The following PPP1R37 variants were observed in gnomAD, a reference collection of about 807,000 sequenced individuals.
PPP1R37 encodes leucine rich repeat containing 68.
PPP1R37 carries 21 observed loss-of-function variants against 61.0 expected under a neutral mutation model. That is an observed-to-expected ratio of 0.34 (90% confidence interval 0.24 to 0.50). The LOEUF (loss-of-function observed/expected upper bound fraction) is 0.50, where lower values mean the gene tolerates loss of function less well. Among genes scored for constraint, PPP1R37 ranks in the 20% least tolerant of loss-of-function variants. PPP1R37 has a pLI of 0.98. For missense variants in PPP1R37, 910 were observed against 952.7 expected (o/e 0.96, Z 0.59); for synonymous variants, 443 against 433.5 (o/e 1.02, Z -0.27).
chr19:45,101,251 T>C (rs1195175000), intron 1 of PPP1R37, among the ~76,000 whole-genome samples: 1 of 151,622 alleles, frequency 6.6e-6, no homozygotes, highest in African/African-American at 2.4e-5. Context: ...GTGGGAGGAG[T>C]GCACCAGGGG....
intron 1 of PPP1R37, among the ~76,000 whole-genome samples, chr19:45,097,039 T>C (rs549331093): frequency 1.5e-4 from 22 of 150,814 alleles, no homozygotes; most frequent in Non-Finnish European, 3.1e-4. Flanking sequence ...GACGATGGAG[T>C]GGTTCACTGG....
rs1041669891 is a variant in PPP1R37 at position 45,146,228 on chromosome 19, C to T, written c.1994-162C>T. The T allele has an allele frequency of 4.3e-6, 4 of 919,902 alleles. No individual in the cohort carries two copies. The African/African-American group carries it at 5.4e-5, about 12-fold the overall frequency. The allele number at this position is 919,902 out of a possible 1,614,324, so 57.0% of individuals were successfully genotyped here. A position where few individuals can be genotyped will look rare whatever the true frequency, so the allele number is the denominator to read the frequency against. The stretch of plus-strand genomic sequence containing the variant: ...CTTCCCTTGGGTCCTGGGAGCTCTT[C>T]CTGGGGTGGGGGGGCATGTAAGGTG... On this transcript the variant is annotated intron_variant, in intron 11 of 12. Coordinates refer to ENST00000221462, the MANE Select transcript of PPP1R37 (RefSeq NM_019121.2).
At chr19:45,124,643 G>A (rs1230181382) in intron 1 of PPP1R37, among the ~76,000 whole-genome samples, 1 of 152,086 alleles carries the variant, frequency 6.6e-6, no homozygotes, top group Non-Finnish European at 1.5e-5. Context: ...TGTCTCCCCA[G>A]TGCCAGCACA....
intron 2 of PPP1R37, among the ~76,000 whole-genome samples, chr19:45,139,818 G>A (rs1377158645): frequency 1.3e-5 from 2 of 152,216 alleles, no homozygotes; most frequent in South Asian, 2.1e-4. Context: ...GGTTCTGACT[G>A]GGTGCTGGGC....
intron 1 of PPP1R37, among the ~76,000 whole-genome samples, chr19:45,094,082 C>T (rs1165264666): frequency 1.3e-5 from 2 of 152,232 alleles, no homozygotes; most frequent in East Asian, 1.9e-4. Flanking sequence ...AAGATAAGGT[C>T]CCAGAAGAGG....
chr19:45,125,215 A>G (rs1365450958), intron 1 of PPP1R37, among the ~76,000 whole-genome samples: 1 of 152,154 alleles, frequency 6.6e-6, no homozygotes, highest in East Asian at 1.9e-4. Flanking sequence ...CTGTAATCCC[A>G]GCACTTTGGG....
At chr19:45,098,138 C>T (rs370511485) in intron 1 of PPP1R37, among the ~76,000 whole-genome samples, 7 of 151,820 alleles carry the variant, frequency 4.6e-5, no homozygotes, top group Admixed American at 6.5e-5. Context: ...CAGGGAAGCT[C>T]GGGGAGGAGG....
chr19:45,097,121 GGAGGCCCAAGTGA>G (rs1968002777), intron 1 of PPP1R37, among the ~76,000 whole-genome samples: 1 of 152,030 alleles, frequency 6.6e-6, no homozygotes, highest in South Asian at 2.1e-4. Context: ...GGGTCTAAGG[GGAGGCCCAAGTGA>G]GAGGCCCAGA....
intron 1 of PPP1R37, among the ~76,000 whole-genome samples, chr19:45,124,513 C>T (rs1968377452): frequency 6.6e-6 from 1 of 152,148 alleles, no homozygotes; most frequent in African/African-American, 2.4e-5. Flanking sequence ...ACCTGTCTGC[C>T]TGGCCTTTCC....
In PPP1R37 at chr19:45,140,625, G is replaced by A. The variant is rs749411994; in HGVS notation, c.447+19G>A. ...TGAAGATGTGAGCGGCCCTGCCACC[G>A]CCCACTTGGCTCCCTGAGCTCCCGG... On this transcript the variant is annotated intron_variant, in intron 4 of 12. Transcript: ENST00000221462. The A allele has an allele frequency of 4.3e-5, 66 of 1,521,222 alleles. No homozygotes were observed. In the Middle Eastern group the frequency reaches 5.0e-4, roughly 12 times the overall value. 94.2% of individuals were successfully genotyped at this position (1,521,222 alleles called of 1,614,324 possible).
chr19:45,146,420 T>C lies in PPP1R37; in HGVS notation c.2024T>C (p.Leu675Pro), dbSNP rs1968701394. Residue 675 changes from leucine to proline, a missense_variant, in exon 12 of 13, where the codon CTC becomes CCC. Physicochemically the swap from Leu to Pro is moderately conservative, Grantham distance 98 (BLOSUM62 -3). Transcript: ENST00000221462. ...AGCTGCTCCAAGAACGAGAAGGAGC[T>C]CGAGGAGCTGCTTCTGGAAGCCAGT... ...ELSCSKNEKE[L>P]EELLLEASQE... The C allele has an allele frequency of 1.3e-6, 2 of 1,535,554 alleles. No homozygotes were observed. Among genetic ancestry groups the C allele is most frequent in the Non-Finnish European group, 1.7e-6 (2 of 1,146,758 alleles).
At chr19:45,124,139 C>T (rs1757634585) in intron 1 of PPP1R37, among the ~76,000 whole-genome samples, 1 of 152,172 alleles carries the variant, frequency 6.6e-6, no homozygotes, top group Non-Finnish European at 1.5e-5. Flanking sequence ...CAGATGGTGA[C>T]AACTCAGAGG....
intron 1 of PPP1R37, among the ~76,000 whole-genome samples, chr19:45,098,360 C>T (rs1450064616): frequency 6.6e-6 from 1 of 152,188 alleles, no homozygotes; most frequent in African/African-American, 2.4e-5. Context: ...CTCCTCAGTC[C>T]CAGCTGAACT....
intron 5 of PPP1R37, 38 bp downstream of exon 5, chr19:45,141,479 G>T: frequency 4.0e-6 from 3 of 753,328 alleles, no homozygotes; most frequent in Non-Finnish European, 5.8e-6. Context: ...GGCAGCTCAG[G>T]CTCCCAGCAC....
chr19:45,147,111 G>A lies in PPP1R37; in HGVS notation c.*549G>A, dbSNP rs998378146. On this transcript the variant is annotated 3_prime_UTR_variant, in exon 13 of 13. Transcript: ENST00000221462. Reference sequence around the variant, plus strand: ...TCAGGGAGCTGGGGCGGGAGCAGCCGGCACTCCGGGACCCTGCTGTCCAGG... The same window carrying A: ...TCAGGGAGCTGGGGCGGGAGCAGCCAGCACTCCGGGACCCTGCTGTCCAGG... 5 of 154,002 alleles carry A rather than the reference G, an allele frequency of 3.2e-5. No homozygotes were observed. Among genetic ancestry groups the A allele is most frequent in the South Asian group, 2.0e-4 (1 of 4,966 alleles). The allele number at this position is 154,002 out of a possible 1,614,324, so 9.5% of individuals were successfully genotyped here. A position where few individuals can be genotyped will look rare whatever the true frequency, so the allele number is the denominator to read the frequency against.
At chr19:45,131,094 A>G (rs1366117317) in intron 1 of PPP1R37, among the ~76,000 whole-genome samples, 1 of 151,374 alleles carries the variant, frequency 6.6e-6, no homozygotes, top group African/African-American at 2.4e-5. Flanking sequence ...CCTGTGTGCA[A>G]ATGCCAGACA....
intron 1 of PPP1R37, among the ~76,000 whole-genome samples, chr19:45,105,374 C>A (rs1245714992): frequency 6.6e-6 from 1 of 152,122 alleles, no homozygotes; most frequent in Non-Finnish European, 1.5e-5. Context: ...GATGCTTGCC[C>A]TCTCTGTGGG....
chr19:45,140,684 G>A (rs1432684707), intron 4 of PPP1R37, 78 bp downstream of exon 4: 6 of 1,102,618 alleles, frequency 5.4e-6, no homozygotes, highest in Non-Finnish European at 8.0e-6. Flanking sequence ...AGAGGACACT[G>A]CAGGAGGAGG....
At chr19:45,113,704 G>C (rs767469767) in intron 1 of PPP1R37, among the ~76,000 whole-genome samples, 10 of 152,226 alleles carry the variant, frequency 6.6e-5, no homozygotes, top group Non-Finnish European at 1.5e-4. Flanking sequence ...GGCCATCGCT[G>C]CCTTTGTCCC....
Sources: allele counts gnomAD v4.1 joint callset (sites outside exome capture counted in the v4.1 genomes callset), GRCh38; gene constraint gnomAD v4.1.1; transcripts MANE v1.5; gene names NCBI Gene and HGNC (gene_info 2026-07-23, HGNC 2026-07-21).